GABBR2: variants seen among roughly 807,000 people sequenced by gnomAD.
GABBR2 encodes the protein G-protein coupled receptor 51.
In GABBR2, 23 loss-of-function variants were observed where a neutral mutation model predicts 105.6. The ratio of observed to expected loss-of-function variants is 0.22; its 90% CI spans 0.16 to 0.31. The LOEUF (loss-of-function observed/expected upper bound fraction) is 0.31. Ranked by LOEUF, GABBR2 falls within the 10% of genes least tolerant of loss-of-function variation. GABBR2 has a pLI of 1.00. For synonymous variants in GABBR2, 478 were observed against 499.7 expected (o/e 0.96, Z 0.58); for missense variants, 734 against 1,245.5 (o/e 0.59, Z 6.18).
intron 1 of GABBR2, among the ~76,000 whole-genome samples, chr9:98,621,860 T>C (rs1288349449): frequency 2.6e-5 from 4 of 152,210 alleles, no homozygotes; most frequent in African/African-American, 7.2e-5. Flanking sequence ...AATGGAAGTG[T>C]ATCTATACAA....
At chr9:98,678,141 G>T (rs1366608893) in intron 1 of GABBR2, among the ~76,000 whole-genome samples, 3 of 152,140 alleles carry the variant, frequency 2.0e-5, no homozygotes, top group African/African-American at 4.8e-5. Flanking sequence ...ACTAAATGAA[G>T]AGTGCACCAG....
intron 1 of GABBR2, among the ~76,000 whole-genome samples, chr9:98,706,362 A>C (rs1224792377): frequency 6.6e-6 from 1 of 152,202 alleles, no homozygotes; most frequent in Non-Finnish European, 1.5e-5. Context: ...ACTAAAACCC[A>C]GGCCCCACCT....
rs144710548 is a variant in GABBR2, at chr9:98,514,399, TATAATAATA to T, written c.631-17894_631-17886del. ...TGCACATGTACCCTAAAACTTAAAG[TATAATAATA>T]ATAATAATAATAATAAAAAAGAAAA... On this transcript the variant is annotated intron_variant, in intron 3 of 18. Transcript: ENST00000259455. Among the ~76,000 whole-genome samples, 4 of 110,010 alleles carry T rather than the reference TATAATAATA, an allele frequency of 3.6e-5. 1 individual carries two copies. The highest frequency in any genetic ancestry group is 3.0e-4 in the South Asian group (1 of 3,358). 72.2% of individuals were successfully genotyped at this position (110,010 alleles called of 152,430 possible). A position where few individuals can be genotyped will look rare whatever the true frequency, so the allele number is the denominator to read the frequency against.
At chr9:98,519,324 A>G (rs1316279517) in intron 3 of GABBR2, among the ~76,000 whole-genome samples, 1 of 152,230 alleles carries the variant, frequency 6.6e-6, no homozygotes, top group East Asian at 1.9e-4. Context: ...GGGAGGCTTG[A>G]GGAGCATCTG....
rs550825694 is a variant in GABBR2 at position 98,514,885 on chromosome 9, G to A, written c.631-18371C>T. On this transcript the variant is annotated intron_variant, in intron 3 of 18. Coordinates refer to ENST00000259455, the MANE Select transcript of GABBR2 (RefSeq NM_005458.8). ...AAGAATGGTGGAGGGGATGGCAGGCGGCCACATGGGGAAGTCTAGGCTTGT... is the reference window on the plus strand; with the variant it reads ...AAGAATGGTGGAGGGGATGGCAGGCAGCCACATGGGGAAGTCTAGGCTTGT... Among the ~76,000 whole-genome samples the A allele has an allele frequency of 8.5e-5, 13 of 152,192 alleles. 1 individual carries two copies. The East Asian group carries it at 2.3e-3, about 27-fold the overall frequency.
chr9:98,538,617 C>A (rs551479767), intron 3 of GABBR2: 254 of 984,356 alleles, frequency 2.6e-4, no homozygotes, highest in Middle Eastern at 1.6e-3. Context: ...CAGCCTTCTA[C>A]CCGCTTCCAT....
intron 8 of GABBR2, among the ~76,000 whole-genome samples, chr9:98,405,185 A>G (rs898744155): frequency 1.3e-5 from 2 of 152,128 alleles, no homozygotes; most frequent in African/African-American, 4.8e-5. Flanking sequence ...AATGATTGAA[A>G]CTGCCTATTG....
chr9:98,455,832 A>G (rs115170247), intron 6 of GABBR2, among the ~76,000 whole-genome samples: 1,580 of 152,302 alleles, frequency 0.01, 24 homozygotes, highest in African/African-American at 0.036. Context: ...CCCGGCTGTG[A>G]ACCTTGCAGG....
At chr9:98,382,904 G>A (rs1376223573) in intron 11 of GABBR2, among the ~76,000 whole-genome samples, 3 of 152,118 alleles carry the variant, frequency 2.0e-5, no homozygotes, top group South Asian at 2.1e-4. Context: ...ACTTCCATGC[G>A]CTTTGGTTAT....
chr9:98,553,942 A>T (rs752572261), intron 2 of GABBR2, among the ~76,000 whole-genome samples: 6 of 152,206 alleles, frequency 3.9e-5, no homozygotes, highest in Non-Finnish European at 8.8e-5. Flanking sequence ...TCTCTAGTCT[A>T]ATTTTGATCT....
At chr9:98,316,924 C>G (rs1830728776) in intron 13 of GABBR2, among the ~76,000 whole-genome samples, 1 of 152,216 alleles carries the variant, frequency 6.6e-6, no homozygotes, top group South Asian at 2.1e-4. Flanking sequence ...GTGTGTGACT[C>G]TCAAACCAGC....
chr9:98,621,931 C>T (rs1045725417), intron 1 of GABBR2, among the ~76,000 whole-genome samples: 2 of 151,664 alleles, frequency 1.3e-5, no homozygotes, highest in Admixed American at 1.3e-4. Context: ...GAAAAATGCA[C>T]AATTTTTTAA....
chr9:98,431,708 G>A (rs1564066310), intron 7 of GABBR2, among the ~76,000 whole-genome samples: 1 of 151,300 alleles, frequency 6.6e-6, no homozygotes, highest in African/African-American at 2.4e-5. Context: ...GTTTTGTTTT[G>A]TTTTTTTGAT....
chr9:98,700,439 G>A (rs909151373), intron 1 of GABBR2, among the ~76,000 whole-genome samples: 1 of 152,176 alleles, frequency 6.6e-6, no homozygotes, highest in South Asian at 2.1e-4. Context: ...CTAGAGCCTG[G>A]CTCATTGGGT....
chr9:98,623,942 G>A (rs1405719812), intron 1 of GABBR2, among the ~76,000 whole-genome samples: 26 of 152,164 alleles, frequency 1.7e-4, no homozygotes, highest in Admixed American at 1.7e-3. Flanking sequence ...TGGGGAACCT[G>A]AGGCACAGGG....
At chr9:98,609,464 C>T (rs1483959659) in intron 1 of GABBR2, among the ~76,000 whole-genome samples, 1 of 152,176 alleles carries the variant, frequency 6.6e-6, no homozygotes, top group African/African-American at 2.4e-5. Context: ...AAGTGAACGT[C>T]GGGGAGGAGT....
Position 98,388,809 on chromosome 9 carries a change from T to C in GABBR2, c.1529+45A>G. 5 of 1,537,624 alleles carry C rather than the reference T, an allele frequency of 3.3e-6. No individual in the cohort carries two copies. The highest frequency in any genetic ancestry group is 4.5e-6 in the Non-Finnish European group (5 of 1,119,188). On this transcript the variant is annotated intron_variant, in intron 10 of 18. Transcript: ENST00000259455. The surrounding 1 kb of genome is among the most constrained non-coding windows in gnomAD (Gnocchi z 4.4). The stretch of plus-strand genomic sequence containing the variant: ...CTCCTATACTGTGTCCATAGGCTTG[T>C]CAATTTAGAAAGTGATATCACAGAG...
chr9:98,415,633 C>T (rs1039923745), intron 7 of GABBR2, among the ~76,000 whole-genome samples: 4 of 152,202 alleles, frequency 2.6e-5, no homozygotes, highest in East Asian at 3.9e-4. Flanking sequence ...CATTTGTGTG[C>T]GTTATTTAAG....
intron 13 of GABBR2, among the ~76,000 whole-genome samples, chr9:98,342,348 C>G (rs1831228268): frequency 1.3e-5 from 2 of 151,948 alleles, no homozygotes; most frequent in African/African-American, 4.8e-5. Flanking sequence ...TAGCTGAGCA[C>G]AAGGAACAAG....
Sources: gnomAD v4.1 joint callset for allele counts (sites outside exome capture counted in the v4.1 genomes callset) on GRCh38, gnomAD v4.1.1 for gene constraint, Gnocchi (gnomAD v3.1) non-coding constraint, MANE v1.5 for transcripts, NCBI Gene and HGNC (gene_info 2026-07-23, HGNC 2026-07-21) for gene names.